Variants in CNGB3 observed in about 807,000 individuals in gnomAD.
CNGB3 encodes cyclic nucleotide gated channel subunit beta 3.
Under a neutral mutation model 92.8 loss-of-function variants are expected in CNGB3, and 86 were observed. The ratio of observed to expected loss-of-function variants is 0.93; its 90% CI spans 0.78 to 1.11. The LOEUF (loss-of-function observed/expected upper bound fraction) is 1.11, where lower values mean the gene tolerates loss of function less well. Among genes scored for constraint, CNGB3 ranks in the 50% least tolerant of loss-of-function variants. The probability of loss-of-function intolerance (pLI) is 0.00; values close to 1 mark genes in which losing one functional copy is unlikely to be tolerated. For synonymous variants in CNGB3, 333 were observed against 332.7 expected (o/e 1.00, Z -0.01); for missense variants, 1,026 against 956.8 (o/e 1.07, Z -0.95).
chr8:86,630,897 G>A (rs944024513), intron 11 of CNGB3, among the ~76,000 whole-genome samples: 3 of 152,100 alleles, frequency 2.0e-5, no homozygotes, highest in Admixed American at 1.3e-4. Context: ...GTGATGATTA[G>A]TTCCATCGTA....
chr8:86,668,912 T>C (rs931425337), intron 4 of CNGB3, among the ~76,000 whole-genome samples: 4 of 152,074 alleles, frequency 2.6e-5, no homozygotes, highest in African/African-American at 7.2e-5. Context: ...CCAGCTCCTC[T>C]GAAGGCTGAG....
chr8:86,739,274 T>C (rs933689856), intron 2 of CNGB3, among the ~76,000 whole-genome samples: 13 of 152,180 alleles, frequency 8.5e-5, no homozygotes, highest in African/African-American at 2.7e-4. Flanking sequence ...CAATCCACAT[T>C]CATGTTAATG....
intron 15 of CNGB3, among the ~76,000 whole-genome samples, chr8:86,582,337 T>C (rs1305229369): frequency 1.3e-5 from 2 of 149,346 alleles, no homozygotes; most frequent in Non-Finnish European, 3.0e-5. Context: ...GAGGTTGCGG[T>C]GAGCCAAGAT....
At chr8:86,688,806 A>G (rs1201843675) in intron 3 of CNGB3, among the ~76,000 whole-genome samples, 2 of 150,862 alleles carry the variant, frequency 1.3e-5, no homozygotes, top group Non-Finnish European at 3.0e-5. Flanking sequence ...TATTTCATTT[A>G]TTTCTGCTCT....
chr8:86,659,203 T>A lies in CNGB3; in HGVS notation c.853-5141A>T, dbSNP rs1040042294. On this transcript the variant is annotated intron_variant, in intron 6 of 17. Transcript: ENST00000320005. The stretch of plus-strand genomic sequence containing the variant: ...ACCTGCTCTGACATCGGCTGCATCC[T>A]CTGCTACCGCATGGCCCTCCCTCCT... 2.5e-5 allele frequency: 18 copies of A among 719,886 alleles called. 3 individuals carry two copies. In the African/African-American group the frequency reaches 3.1e-4, roughly 12 times the overall value. 44.6% of individuals were successfully genotyped at this position (719,886 alleles called of 1,614,324 possible). A position where few individuals can be genotyped will look rare whatever the true frequency, so the allele number is the denominator to read the frequency against.
intron 3 of CNGB3, among the ~76,000 whole-genome samples, chr8:86,719,366 T>C (rs573768762): frequency 6.6e-6 from 1 of 152,158 alleles, no homozygotes; most frequent in Non-Finnish European, 1.5e-5. Context: ...AGCTCTGCTA[T>C]ACACCAACAG....
chr8:86,582,297 G>C (rs1182409319), intron 15 of CNGB3, among the ~76,000 whole-genome samples: 2 of 151,824 alleles, frequency 1.3e-5, no homozygotes, highest in Non-Finnish European at 2.9e-5. Flanking sequence ...GTGAGGCTGA[G>C]GAGGGAGAAT....
intron 13 of CNGB3, among the ~76,000 whole-genome samples, chr8:86,623,950 C>A (rs1822792443): frequency 6.6e-6 from 1 of 152,162 alleles, no homozygotes; most frequent in South Asian, 2.1e-4. Flanking sequence ...GGTCTGTTCA[C>A]CATCATCTCT....
At chr8:86,620,563 A>C (rs889274077) in intron 13 of CNGB3, among the ~76,000 whole-genome samples, 1 of 152,090 alleles carries the variant, frequency 6.6e-6, no homozygotes, top group Non-Finnish European at 1.5e-5. Flanking sequence ...ACAGGTTAAT[A>C]CTTTTACATG....
At chr8:86,638,938 T>C (rs1823126725) in intron 10 of CNGB3, among the ~76,000 whole-genome samples, 1 of 151,640 alleles carries the variant, frequency 6.6e-6, no homozygotes, top group Non-Finnish European at 1.5e-5. Flanking sequence ...CTTTCCCCCC[T>C]CCTCCCTTTC....
At chr8:86,668,477 A>G (rs922492714) in intron 4 of CNGB3, among the ~76,000 whole-genome samples, 3 of 152,134 alleles carry the variant, frequency 2.0e-5, no homozygotes. Flanking sequence ...CCAGAACTTA[A>G]AGTATAAAAA....
intron 6 of CNGB3, chr8:86,661,189 A>C: frequency 3.8e-6 from 1 of 261,406 alleles, no homozygotes; most frequent in Non-Finnish European, 7.8e-6. Context: ...TTCTTAAAAG[A>C]CATGTTAAAC....
chr8:86,625,721 T>C (rs191606662), intron 13 of CNGB3, among the ~76,000 whole-genome samples: 1 of 152,030 alleles, frequency 6.6e-6, no homozygotes, highest in East Asian at 1.9e-4. Flanking sequence ...TAATTTAAAT[T>C]ATATTTAAAT....
rs144255459 is a variant in CNGB3, at chr8:86,699,448, G to A, written c.338+27083C>T. The stretch of plus-strand genomic sequence containing the variant: ...GGTGAGGAGTTTGAGACCAGCCTGG[G>A]CAACATAGTGAGACCCCATCTGTCT... On this transcript the variant is annotated intron_variant, in intron 3 of 17. Coordinates refer to ENST00000320005, the MANE Select transcript of CNGB3 (RefSeq NM_019098.5). Among the ~76,000 whole-genome samples, 578 of 152,134 alleles carry A rather than the reference G, an allele frequency of 3.8e-3. 10 individuals carry two copies. The highest frequency in any genetic ancestry group is 2.5e-3 in the Non-Finnish European group (169 of 68,004).
At chr8:86,717,332 C>T (rs1460971524) in intron 3 of CNGB3, among the ~76,000 whole-genome samples, 7 of 152,024 alleles carry the variant, frequency 4.6e-5, no homozygotes, top group Non-Finnish European at 1.0e-4. Flanking sequence ...GAGGCCAAGG[C>T]AGGAGGATCA....
chr8:86,594,773 A>G (rs138912273), intron 15 of CNGB3, among the ~76,000 whole-genome samples: 4,378 of 152,184 alleles, frequency 0.029, 120 homozygotes, highest in East Asian at 0.071. Flanking sequence ...CGGTGGCACA[A>G]TCTCGGCTCA....
chr8:86,675,812 C>T (rs1213135544), intron 3 of CNGB3, among the ~76,000 whole-genome samples: 1 of 152,064 alleles, frequency 6.6e-6, no homozygotes, highest in East Asian at 1.9e-4. Flanking sequence ...TTTTAAAAAG[C>T]TGATGAAAAA....
chr8:86,741,794 TTC>T lies in CNGB3; in HGVS notation c.129+1703_129+1704del, dbSNP rs575991750. ...CTCTACCTGTGCCTAATCTAAGTAC[TTC>T]TCCAATATTCCTGTTTTGAAAGGAA... On this transcript the variant is annotated intron_variant, in intron 1 of 17. Coordinates refer to ENST00000320005, the MANE Select transcript of CNGB3 (RefSeq NM_019098.5). 1.1e-3 allele frequency among the ~76,000 whole-genome samples: 168 copies of T among 152,342 alleles called. 1 individual carries two copies. Among genetic ancestry groups the T allele is most frequent in the Non-Finnish European group, 1.3e-3 (90 of 68,030 alleles).
intron 3 of CNGB3, among the ~76,000 whole-genome samples, chr8:86,708,727 C>T (rs1370846559): frequency 6.6e-6 from 1 of 151,776 alleles, no homozygotes; most frequent in Admixed American, 6.6e-5. Flanking sequence ...GCCACCATGC[C>T]TGAAGAATTT....
Sources: allele counts gnomAD v4.1 joint callset (sites outside exome capture counted in the v4.1 genomes callset), GRCh38; gene constraint gnomAD v4.1.1; transcripts MANE v1.5; gene names NCBI Gene and HGNC (gene_info 2026-07-23, HGNC 2026-07-21).